The following FBXL17 variants were observed in gnomAD, a reference collection of about 807,000 sequenced individuals.
FBXL17 encodes the protein F-box and leucine rich repeat protein 17.
In FBXL17, 22 loss-of-function variants were observed where a neutral mutation model predicts 66.2. That is an observed-to-expected ratio of 0.33 (90% confidence interval 0.24 to 0.47). FBXL17 has a LOEUF of 0.47. Ranked by LOEUF, FBXL17 falls within the 20% of genes least tolerant of loss-of-function variation. The pLI is 1.00. For synonymous variants in FBXL17, 474 were observed against 400.5 expected (o/e 1.18, Z -2.19); for missense variants, 878 against 948.2 (o/e 0.93, Z 0.97).
rs375167389 is a variant in FBXL17 at position 108,093,399 on chromosome 5, T to C, written c.1746-72398A>G. Among the ~76,000 whole-genome samples the C allele has an allele frequency of 4.8e-4, 73 of 152,194 alleles. No homozygotes were observed. The South Asian group carries it at 7.5e-3, about 16-fold the overall frequency. Reference sequence around the variant, plus strand: ...CCCCTCACTGCATTTTGTCAGTAAATTACCAATGAAAAACAAAACTTTATG... The same window carrying C: ...CCCCTCACTGCATTTTGTCAGTAAACTACCAATGAAAAACAAAACTTTATG... On this transcript the variant is annotated intron_variant, in intron 6 of 8. Coordinates refer to ENST00000542267, the MANE Select transcript of FBXL17 (RefSeq NM_001163315.3).
chr5:108,185,697 AT>A (rs983328059), intron 6 of FBXL17, among the ~76,000 whole-genome samples: 14 of 152,166 alleles, frequency 9.2e-5, no homozygotes, highest in African/African-American at 3.1e-4. Context: ...TGAAAAAAAA[AT>A]GTCACCTTTA....
At chr5:108,146,145 T>C (rs1474876384) in intron 6 of FBXL17, among the ~76,000 whole-genome samples, 1 of 151,218 alleles carries the variant, frequency 6.6e-6, no homozygotes, top group Non-Finnish European at 1.5e-5. Flanking sequence ...TGCAGGAGAA[T>C]GGCGTGAATC....
intron 8 of FBXL17, chr5:107,878,753 C>T (rs745763676): frequency 1.0e-6 from 1 of 985,434 alleles, no homozygotes; most frequent in Non-Finnish European, 1.2e-6. Context: ...TTTACTTGTG[C>T]TTTGTGTGTG....
intron 6 of FBXL17, among the ~76,000 whole-genome samples, chr5:108,176,290 C>T (rs1275363086): frequency 1.3e-5 from 2 of 152,124 alleles, no homozygotes; most frequent in Non-Finnish European, 2.9e-5. Context: ...TGTTTAAATA[C>T]TGCAAGCTAA....
intron 4 of FBXL17, among the ~76,000 whole-genome samples, chr5:108,234,914 A>G (rs1293311069): frequency 6.6e-6 from 1 of 152,234 alleles, no homozygotes; most frequent in Non-Finnish European, 1.5e-5. Context: ...GCTCTTCTAT[A>G]AATTTCAAGA....
intron 6 of FBXL17, among the ~76,000 whole-genome samples, chr5:108,149,516 T>A (rs976273806): frequency 1.2e-4 from 18 of 152,222 alleles, no homozygotes; most frequent in Admixed American, 1.1e-3. Context: ...GTGTTAAGCA[T>A]GAGAGAGCTA....
At chr5:108,306,839 T>A (rs574250256) in intron 4 of FBXL17, among the ~76,000 whole-genome samples, 3 of 152,174 alleles carry the variant, frequency 2.0e-5, no homozygotes, top group African/African-American at 7.2e-5. Context: ...AATTATCACT[T>A]GTGAGCACAT....
At chr5:108,245,452 A>C (rs895450586) in intron 4 of FBXL17, among the ~76,000 whole-genome samples, 3 of 152,226 alleles carry the variant, frequency 2.0e-5, no homozygotes, top group African/African-American at 7.2e-5. Context: ...TCCTTAAACA[A>C]GAAAACCGAT....
intron 6 of FBXL17, among the ~76,000 whole-genome samples, chr5:108,074,309 GAT>G (rs1491198112): frequency 1.1e-4 from 11 of 97,708 alleles, no homozygotes; most frequent in Non-Finnish European, 2.1e-4. Flanking sequence ...GATTTGAAAA[GAT>G]TTTTTTTTTT....
chr5:108,118,465 G>C lies in FBXL17; in HGVS notation c.1745+67652C>G, dbSNP rs563751322. Among the ~76,000 whole-genome samples the C allele has an allele frequency of 3.3e-5, 5 of 152,108 alleles. No individual in the cohort carries two copies. In the South Asian group the frequency reaches 1.0e-3, roughly 32 times the overall value. On this transcript the variant is annotated intron_variant, in intron 6 of 8. Coordinates refer to ENST00000542267, the MANE Select transcript of FBXL17 (RefSeq NM_001163315.3). The stretch of plus-strand genomic sequence containing the variant: ...CCTCATCTCCCTCAGCCTCCACATG[G>C]GTAAGATCTTTTGCAACACATCCTT...
intron 5 of FBXL17, among the ~76,000 whole-genome samples, chr5:108,207,192 C>T (rs1754157793): frequency 6.6e-6 from 1 of 152,102 alleles, no homozygotes; most frequent in Non-Finnish European, 1.5e-5. Flanking sequence ...TAACTGATAC[C>T]ACCCATGGAA....
chr5:107,867,106 G>C (rs1748299896), intron 8 of FBXL17, among the ~76,000 whole-genome samples: 1 of 152,146 alleles, frequency 6.6e-6, no homozygotes, highest in South Asian at 2.1e-4. Context: ...CTTGCTCCCA[G>C]ACTGCTCAGC....
chr5:107,916,943 A>G (rs1013134380), intron 7 of FBXL17, among the ~76,000 whole-genome samples: 1 of 152,212 alleles, frequency 6.6e-6, no homozygotes, highest in South Asian at 2.1e-4. Context: ...GTATGATCAA[A>G]GGTGTATCGC....
At chr5:108,126,635 C>CTG (rs1750712161) in intron 6 of FBXL17, among the ~76,000 whole-genome samples, 1 of 64,808 alleles carries the variant, frequency 1.5e-5, no homozygotes, top group Non-Finnish European at 2.9e-5. Context: ...CTCTCTGTCT[C>CTG]TCTCTCTCTC....
intron 6 of FBXL17, among the ~76,000 whole-genome samples, chr5:108,125,961 A>G (rs1249893815): frequency 6.6e-6 from 1 of 152,118 alleles, no homozygotes; most frequent in Non-Finnish European, 1.5e-5. Context: ...CAAAGGGCCC[A>G]AAGAGTCAAC....
chr5:108,251,542 A>C (rs557281928), intron 4 of FBXL17, among the ~76,000 whole-genome samples: 7 of 152,146 alleles, frequency 4.6e-5, no homozygotes, highest in African/African-American at 1.7e-4. Flanking sequence ...TTCTGACACA[A>C]TCTAATGTCT....
intron 7 of FBXL17, among the ~76,000 whole-genome samples, chr5:107,932,897 T>C (rs946780011): frequency 3.9e-5 from 6 of 152,032 alleles, no homozygotes; most frequent in Non-Finnish European, 7.4e-5. Context: ...TCAGTGTTGA[T>C]TGTGGATATA....
chr5:107,869,374 T>C (rs1252666199), intron 8 of FBXL17, among the ~76,000 whole-genome samples: 1 of 152,194 alleles, frequency 6.6e-6, no homozygotes, highest in African/African-American at 2.4e-5. Flanking sequence ...CGGACCTTAA[T>C]GTGCTTTCAG....
At chr5:108,232,820 T>C (rs1467744205) in intron 4 of FBXL17, among the ~76,000 whole-genome samples, 3 of 132,404 alleles carry the variant, frequency 2.3e-5, no homozygotes, top group African/African-American at 8.8e-5. Flanking sequence ...ATACTATTAG[T>C]TCTGTCCCTC....
Sources: allele counts gnomAD v4.1 joint callset (sites outside exome capture counted in the v4.1 genomes callset), GRCh38; gene constraint gnomAD v4.1.1; transcripts MANE v1.5; gene names NCBI Gene and HGNC (gene_info 2026-07-23, HGNC 2026-07-21).